Variants in NSMCE2 observed in about 807,000 individuals in gnomAD.
The protein encoded by NSMCE2 is NSE2 SUMO ligase component of SMC5/6 complex, also known as E3 SUMO-protein ligase NSE2.
Under a neutral mutation model 23.8 loss-of-function variants are expected in NSMCE2, and 24 were observed. The ratio of observed to expected loss-of-function variants is 1.01; its 90% CI spans 0.73 to 1.42. The LOEUF is 1.42. NSMCE2 is among the 40% of genes most tolerant of loss of function. The pLI is 0.00. For missense variants in NSMCE2, 284 were observed against 296.5 expected (o/e 0.96, Z 0.31); for synonymous variants, 92 against 94.1 (o/e 0.98, Z 0.13).
At chr8:125,300,538 G>A (rs1427178738) in intron 5 of NSMCE2, among the ~76,000 whole-genome samples, 1 of 152,124 alleles carries the variant, frequency 6.6e-6, no homozygotes, top group Non-Finnish European at 1.5e-5. Flanking sequence ...AAAAGTTATG[G>A]TATCTCAGTA....
At chr8:125,118,494 G>A (rs143183554) in intron 3 of NSMCE2, among the ~76,000 whole-genome samples, 49 of 152,270 alleles carry the variant, frequency 3.2e-4, no homozygotes, top group African/African-American at 1.1e-3. Context: ...CAGGGTCTGC[G>A]GGTACACTTT....
chr8:125,331,404 A>G lies in NSMCE2; in HGVS notation c.419-25815A>G, dbSNP rs115760589. Among the ~76,000 whole-genome samples, 553 of 152,364 alleles carry G rather than the reference A, an allele frequency of 3.6e-3. 4 individuals carry two copies. The highest frequency in any genetic ancestry group is 0.012 in the African/African-American group (502 of 41,592). On this transcript the variant is annotated intron_variant, in intron 5 of 7. Transcript: ENST00000287437. Reference sequence around the variant, plus strand: ...CTGTTTCCTCACCTGTAAAATTGTTATCAGTACTCAGGGCCCTCCCTCATA... The same window carrying G: ...CTGTTTCCTCACCTGTAAAATTGTTGTCAGTACTCAGGGCCCTCCCTCATA...
intron 5 of NSMCE2, among the ~76,000 whole-genome samples, chr8:125,225,719 T>C (rs1450711233): frequency 6.6e-6 from 1 of 152,254 alleles, no homozygotes; most frequent in Non-Finnish European, 1.5e-5. Flanking sequence ...TCTCTTAACA[T>C]GAGAGCAAAT....
At chr8:125,359,329 T>TA (rs1563805251) in intron 7 of NSMCE2, among the ~76,000 whole-genome samples, 13 of 125,360 alleles carry the variant, frequency 1.0e-4, no homozygotes, top group Non-Finnish European at 2.2e-4. Context: ...TTGCTCTTTC[T>TA]CTTTTTTTTT....
At chr8:125,261,034 AATC>A (rs1434535183) in intron 5 of NSMCE2, among the ~76,000 whole-genome samples, 1 of 152,198 alleles carries the variant, frequency 6.6e-6, no homozygotes, top group Non-Finnish European at 1.5e-5. Flanking sequence ...AAAAGTATAT[AATC>A]ATTCTGAGAA....
chr8:125,338,359 A>C (rs1345702588), intron 5 of NSMCE2, among the ~76,000 whole-genome samples: 2 of 151,406 alleles, frequency 1.3e-5, no homozygotes, highest in Non-Finnish European at 2.9e-5. Context: ...AACAGAATGC[A>C]AAAGTTTCTT....
At chr8:125,097,542 C>G (rs1817996630) in intron 1 of NSMCE2, among the ~76,000 whole-genome samples, 1 of 152,188 alleles carries the variant, frequency 6.6e-6, no homozygotes, top group South Asian at 2.1e-4. Context: ...TTTCCAAATC[C>G]TGAGTACCTT....
At chr8:125,286,788 A>AC (rs1212250666) in intron 5 of NSMCE2, among the ~76,000 whole-genome samples, 1 of 151,744 alleles carries the variant, frequency 6.6e-6, no homozygotes, top group East Asian at 1.9e-4. Flanking sequence ...AAAAAAAAAA[A>AC]AAAAATTGCC....
intron 5 of NSMCE2, among the ~76,000 whole-genome samples, chr8:125,209,422 G>T (rs1563720656): frequency 1.3e-5 from 2 of 152,106 alleles, no homozygotes; most frequent in Admixed American, 1.3e-4. Flanking sequence ...AGGTAAATTT[G>T]CTTTTCATAC....
intron 5 of NSMCE2, among the ~76,000 whole-genome samples, chr8:125,315,461 C>T (rs938475328): frequency 2.0e-4 from 31 of 152,174 alleles, no homozygotes; most frequent in African/African-American, 6.8e-4. Flanking sequence ...AGTCATCTTG[C>T]GTGTCAAAAC....
intron 5 of NSMCE2, among the ~76,000 whole-genome samples, chr8:125,344,090 T>C (rs950231573): frequency 2.0e-5 from 3 of 152,212 alleles, no homozygotes; most frequent in Non-Finnish European, 2.9e-5. Context: ...CATAGCCCCA[T>C]CTTACCCAAA....
chr8:125,208,016 A>T (rs140810281), intron 5 of NSMCE2, among the ~76,000 whole-genome samples: 276 of 152,310 alleles, frequency 1.8e-3, no homozygotes, highest in African/African-American at 6.5e-3. Context: ...TCTTGATGGG[A>T]GGGTGGTAGA....
At chr8:125,201,011 A>G (rs554251139) in intron 5 of NSMCE2, among the ~76,000 whole-genome samples, 12 of 152,098 alleles carry the variant, frequency 7.9e-5, no homozygotes, top group Non-Finnish European at 1.3e-4. Flanking sequence ...CTTGGTTTTC[A>G]GCTCTATCAA....
rs181192639 is a variant in NSMCE2 at position 125,117,987 on chromosome 8, A to G, written c.157+15500A>G. Among the ~76,000 whole-genome samples the G allele has an allele frequency of 2.6e-5, 4 of 152,288 alleles. No homozygotes were observed. The South Asian group carries it at 6.2e-4, about 24-fold the overall frequency. On this transcript the variant is annotated intron_variant, in intron 3 of 7. Coordinates refer to ENST00000287437, the MANE Select transcript of NSMCE2 (RefSeq NM_173685.4). ...AACCTAATTTTTAAAGACCGCATTC[A>G]ATTTTTGTGTATGAAATGTCTTAGC...
chr8:125,096,858 C>T (rs1817961450), intron 1 of NSMCE2, among the ~76,000 whole-genome samples: 2 of 151,992 alleles, frequency 1.3e-5, no homozygotes, highest in African/African-American at 2.4e-5. Context: ...TGATCAACTG[C>T]CTCGGCCTCC....
intron 5 of NSMCE2, among the ~76,000 whole-genome samples, chr8:125,320,283 A>AG (rs1829394407): frequency 1.1e-5 from 1 of 93,298 alleles, no homozygotes; most frequent in Non-Finnish European, 2.5e-5. Context: ...GAAGGAAGGA[A>AG]GGAAGGAAGG....
intron 3 of NSMCE2, chr8:125,130,281 C>G (rs1448507708): frequency 2.2e-6 from 1 of 456,040 alleles, no homozygotes; most frequent in Non-Finnish European, 4.4e-6. Flanking sequence ...TAGTGCAAGT[C>G]ATCAACATGA....
rs200290295 is a variant in NSMCE2 at position 125,312,995 on chromosome 8, CAGTG to C, written c.419-44220_419-44217del. On this transcript the variant is annotated intron_variant, in intron 5 of 7. Coordinates refer to ENST00000287437, the MANE Select transcript of NSMCE2 (RefSeq NM_173685.4). ...TAGAGTGAATTTGATGATCAAGAGA[CAGTG>C]AGTAGAGGATGGGTCAGTAGGTGTG... is the stretch of plus-strand genomic sequence containing the variant. 3.0e-3 allele frequency among the ~76,000 whole-genome samples: 452 copies of C among 151,694 alleles called. 7 individuals carry two copies. The highest frequency in any genetic ancestry group is 0.01 in the African/African-American group (432 of 41,322).
chr8:125,284,218 A>G (rs1017387277), intron 5 of NSMCE2, among the ~76,000 whole-genome samples: 1 of 151,874 alleles, frequency 6.6e-6, no homozygotes, highest in Non-Finnish European at 1.5e-5. Flanking sequence ...AAGAAAAAAA[A>G]TTTTAAGTTC....
Sources: allele counts gnomAD v4.1 joint callset (sites outside exome capture counted in the v4.1 genomes callset), GRCh38; gene constraint gnomAD v4.1.1; transcripts MANE v1.5; gene names NCBI Gene and HGNC (gene_info 2026-07-23, HGNC 2026-07-21).